Variants in KIAA0513 observed in about 807,000 individuals in gnomAD.
KIAA0513 encodes uncharacterized protein KIAA0513.
KIAA0513 carries 39 observed loss-of-function variants against 56.5 expected under a neutral mutation model. That is an observed-to-expected ratio of 0.69 (90% CI 0.53 to 0.90). The LOEUF is 0.90. Ranked by LOEUF, KIAA0513 falls within the 40% of genes least tolerant of loss-of-function variation. The pLI is 0.00. For missense variants in KIAA0513, 591 were observed against 535.2 expected, an observed-to-expected ratio of 1.10 and a Z score of -1.03; for synonymous variants, 268 against 215.6, an observed-to-expected ratio of 1.24 and a Z score of -2.13.
At chr16:85,048,212 C>G (rs1032804781) in intron 1 of KIAA0513, among the ~76,000 whole-genome samples, 1 of 152,200 alleles carries the variant, frequency 6.6e-6, no homozygotes, top group Non-Finnish European at 1.5e-5. Context: ...ACCCATCTTT[C>G]CATGTGCACC....
intron 1 of KIAA0513, among the ~76,000 whole-genome samples, chr16:85,043,498 G>A (rs903470541): frequency 7.0e-6 from 1 of 141,998 alleles, no homozygotes; most frequent in Non-Finnish European, 1.5e-5. Context: ...TGCAACCTCT[G>A]CCTCCTGGGT....
At chr16:85,063,800 G>A (rs1160761717) in intron 1 of KIAA0513, 2 of 152,046 alleles carry the variant, frequency 1.3e-5, no homozygotes, top group African/African-American at 4.8e-5. Context: ...ATTGTAATTA[G>A]AGTAAAATTA....
At chr16:85,056,417 C>A (rs2143951563) in intron 1 of KIAA0513, among the ~76,000 whole-genome samples, 1 of 152,356 alleles carries the variant, frequency 6.6e-6, no homozygotes, top group Non-Finnish European at 1.5e-5. Context: ...GTAGCTCTTT[C>A]CATTCCACAG....
At chr16:85,043,264 G>C (rs1276391668) in intron 1 of KIAA0513, among the ~76,000 whole-genome samples, 1 of 152,070 alleles carries the variant, frequency 6.6e-6, no homozygotes, top group East Asian at 1.9e-4. Flanking sequence ...TGGAAAACAA[G>C]TTCTCTTACC....
intron 1 of KIAA0513, among the ~76,000 whole-genome samples, chr16:85,033,886 C>G (rs2073000451): frequency 6.6e-6 from 1 of 152,158 alleles, no homozygotes; most frequent in Non-Finnish European, 1.5e-5. Flanking sequence ...CCACCCCCCA[C>G]TTCCCAGTTA....
intron 4 of KIAA0513, among the ~76,000 whole-genome samples, chr16:85,075,439 G>A (rs1226194028): frequency 6.6e-6 from 1 of 152,208 alleles, no homozygotes; most frequent in African/African-American, 2.4e-5. Flanking sequence ...CTGAGAGCCA[G>A]GGATGCGGGG....
At position 85,057,970 on chromosome 16, in the gene KIAA0513, C is replaced by T. The variant is rs7190539; in HGVS notation, c.-172-8930C>T. ...TGTCTTTACTGGGCAGTGCTCCCCA[C>T]AGGAGTAGCCCCTACATATGGCTAA... On this transcript the variant is annotated intron_variant, in intron 1 of 12. Transcript: ENST00000683363. 2.0e-3 allele frequency among the ~76,000 whole-genome samples: 307 copies of T among 152,298 alleles called. 2 individuals are homozygous for T. Among genetic ancestry groups the T allele is most frequent in the African/African-American group, 7.0e-3 (289 of 41,556 alleles).
chr16:85,039,717 C>A (rs1217451911), intron 1 of KIAA0513, among the ~76,000 whole-genome samples: 1 of 152,072 alleles, frequency 6.6e-6, no homozygotes, highest in Non-Finnish European at 1.5e-5. Flanking sequence ...AAGTGATCCC[C>A]CTGCCTCAGC....
In KIAA0513 at chr16:85,087,116, T is replaced by C. The variant is rs769266238; in HGVS notation, c.1136T>C (p.Leu379Pro). 13 of 1,614,102 alleles carry C rather than the reference T, an allele frequency of 8.1e-6. No homozygotes were observed. The highest frequency in any genetic ancestry group is 1.1e-5 in the Non-Finnish European group (13 of 1,180,032). Residue 379 changes from leucine to proline, a missense_variant, in exon 12 of 13, where the codon CTG (leucine) becomes CCG (proline). By Grantham distance (98) the Leu-to-Pro change is moderately conservative. Coordinates refer to ENST00000683363, the MANE Select transcript of KIAA0513 (RefSeq NM_001388359.1). Reference sequence around the variant, plus strand: ...CTGGCCTTTGGACTGAACAAGAAGCTGTGCAATGACTTCCTGAAGAAGCAG... The same window carrying C: ...CTGGCCTTTGGACTGAACAAGAAGCCGTGCAATGACTTCCTGAAGAAGCAG... ...NMLAFGLNKK[L>P]CNDFLKKQAV...
Position 85,067,079 on chromosome 16 carries a change from C to A in KIAA0513, c.8C>A (p.Thr3Asn). 1 of 1,577,100 alleles carries A rather than the reference C, an allele frequency of 6.3e-7. No homozygotes were observed. Among genetic ancestry groups the A allele is most frequent in the South Asian group, 1.2e-5 (1 of 85,104 alleles). The change falls in exon 2 of 13, where the codon ACC becomes AAC. Residue 3 changes from threonine to asparagine, a missense_variant. Transcript: ENST00000683363. ...CAGCAGCTCCCCTGAGCCATGGAGA[C>A]CCCAGAGGTCCCCGTGGGCTCGCTA... METPEVPVGSLID... is the reference protein window; with the variant it reads MENPEVPVGSLID...
At chr16:85,067,582 G>A (rs1293699995) in intron 2 of KIAA0513, among the ~76,000 whole-genome samples, 182 bp downstream of exon 2, 3 of 152,160 alleles carry the variant, frequency 2.0e-5, no homozygotes, top group African/African-American at 7.2e-5. Flanking sequence ...GCAGAGCCAC[G>A]TGGAGAACTT....
At position 85,089,557 on chromosome 16, in the gene KIAA0513, G is replaced by A. The variant is rs1477204696; in HGVS notation, c.*1232G>A. On this transcript the variant is annotated 3_prime_UTR_variant, in exon 13 of 13. Coordinates refer to ENST00000683363, the MANE Select transcript of KIAA0513 (RefSeq NM_001388359.1). The surrounding 1 kb of genome is among the most constrained non-coding windows in gnomAD (Gnocchi z 4.2). ...AGAGCCTTCTGTTTCACCGTGCGTG[G>A]ACACTGCTAGGCCGCCTGGGGTCCC... is the stretch of plus-strand genomic sequence containing the variant. The A allele has an allele frequency of 1.3e-5, 2 of 152,564 alleles. No homozygotes were observed. The highest frequency in any genetic ancestry group is 2.9e-5 in the Non-Finnish European group (2 of 68,286). The allele number at this position is 152,564 out of a possible 1,614,324, so 9.5% of individuals were successfully genotyped here. A position where few individuals can be genotyped will look rare whatever the true frequency, so the allele number is the denominator to read the frequency against.
At chr16:85,070,062 T>G (rs752655176) in intron 2 of KIAA0513, among the ~76,000 whole-genome samples, 1 of 151,138 alleles carries the variant, frequency 6.6e-6, no homozygotes, top group Non-Finnish European at 1.5e-5. Context: ...TCCCAGCTAC[T>G]CAGGAGGCTG....
At chr16:85,062,771 G>A (rs549813808) in intron 1 of KIAA0513, among the ~76,000 whole-genome samples, 87 of 152,140 alleles carry the variant, frequency 5.7e-4, no homozygotes, top group Non-Finnish European at 1.1e-3. Flanking sequence ...TGGTAGCACC[G>A]GGCTGGCTCT....
intron 4 of KIAA0513, among the ~76,000 whole-genome samples, chr16:85,074,461 G>T (rs1418178600): frequency 6.6e-6 from 1 of 152,100 alleles, no homozygotes; most frequent in African/African-American, 2.4e-5. Flanking sequence ...AGGATTACAG[G>T]CGTGAAACAC....
At chr16:85,055,738 G>C (rs1157198035) in intron 1 of KIAA0513, among the ~76,000 whole-genome samples, 1 of 152,126 alleles carries the variant, frequency 6.6e-6, no homozygotes, top group Non-Finnish European at 1.5e-5. Context: ...GTTTCCATTT[G>C]CCCTTCTTCT....
intron 1 of KIAA0513, among the ~76,000 whole-genome samples, chr16:85,029,560 G>T (rs988219750): frequency 1.4e-4 from 22 of 152,228 alleles, no homozygotes; most frequent in African/African-American, 5.1e-4. Flanking sequence ...AGCCCCAGCG[G>T]CTCTGAGGAG....
At chr16:85,066,341 G>T (rs555230642) in intron 1 of KIAA0513, among the ~76,000 whole-genome samples, 3 of 152,304 alleles carry the variant, frequency 2.0e-5, no homozygotes, top group Admixed American at 2.0e-4. Context: ...GCTGGGAGAG[G>T]GGACAGGTCC....
intron 1 of KIAA0513, among the ~76,000 whole-genome samples, chr16:85,029,739 A>T (rs545418696): frequency 1.3e-5 from 2 of 152,384 alleles, no homozygotes; most frequent in South Asian, 2.1e-4. Flanking sequence ...GAAGTCAACC[A>T]GCAGCAGGAA....
Sources: gnomAD v4.1 joint callset for allele counts (sites outside exome capture counted in the v4.1 genomes callset) on GRCh38, gnomAD v4.1.1 for gene constraint, Gnocchi (gnomAD v3.1) non-coding constraint, MANE v1.5 for transcripts, NCBI Gene and HGNC (gene_info 2026-07-23, HGNC 2026-07-21) for gene names.